Variants in SLC4A7 observed in about 807,000 individuals in gnomAD.
SLC4A7 encodes the protein solute carrier family 4 member 7.
In SLC4A7, 51 loss-of-function variants were observed where a neutral mutation model predicts 137.6. That is an observed-to-expected ratio of 0.37 (90% CI 0.30 to 0.47). The LOEUF is 0.47. SLC4A7 is among the 20% of genes least tolerant of loss of function. The probability of loss-of-function intolerance (pLI) is 1.00; values close to 1 mark genes in which losing one functional copy is unlikely to be tolerated. For missense variants in SLC4A7, 1,247 were observed against 1,525.4 expected (o/e 0.82, Z 3.04); for synonymous variants, 542 against 518.6 (o/e 1.05, Z -0.61).
intron 11 of SLC4A7, among the ~76,000 whole-genome samples, chr3:27,417,275 G>T (rs940071939): frequency 1.1e-4 from 17 of 151,998 alleles, no homozygotes; most frequent in African/African-American, 4.1e-4. Flanking sequence ...CAGGAACTTA[G>T]AAAAAAGATG....
In SLC4A7 at chr3:27,403,365, G is replaced by A. The variant is rs2052981285; in HGVS notation, c.2095C>T (p.Leu699=). ...KFCRDYQLSY[L]SLRTSIGLWT... is the part of the protein sequence containing the mutation. ...AGACCAATACTGGTTCTTAAAGACA[G>A]ATAAGAAAGTTGATAATCTCTGTTT... Residue 699 remains leucine, a synonymous_variant, in exon 15 of 26, where the codon CTG becomes TTG. Transcript: ENST00000454389. The A allele has an allele frequency of 6.3e-7, 1 of 1,589,042 alleles. No individual in the cohort carries two copies. Among genetic ancestry groups the A allele is most frequent in the Non-Finnish European group, 8.6e-7 (1 of 1,166,428 alleles).
At chr3:27,419,440 T>C (rs1444445538) in intron 10 of SLC4A7, among the ~76,000 whole-genome samples, 6 of 151,468 alleles carry the variant, frequency 4.0e-5, no homozygotes, top group South Asian at 2.1e-4. Context: ...TGGTGGCGTA[T>C]GCCTGTAATC....
At chr3:27,391,336 G>A (rs1381803795) in intron 21 of SLC4A7, among the ~76,000 whole-genome samples, 1 of 152,144 alleles carries the variant, frequency 6.6e-6, no homozygotes, top group Non-Finnish European at 1.5e-5. Flanking sequence ...ACAAAATGAT[G>A]TATATGCTAG....
At chr3:27,457,494 G>A (rs143676686) in intron 1 of SLC4A7, among the ~76,000 whole-genome samples, 38 of 152,180 alleles carry the variant, frequency 2.5e-4, no homozygotes, top group African/African-American at 8.7e-4. Flanking sequence ...GAAAGGGGAG[G>A]CATATTTCAA....
At chr3:27,440,049 T>C (rs1308817736) in intron 3 of SLC4A7, among the ~76,000 whole-genome samples, 1 of 152,198 alleles carries the variant, frequency 6.6e-6, no homozygotes, top group African/African-American at 2.4e-5. Context: ...ATGTTTAAGT[T>C]TTAAACCAAC....
intron 3 of SLC4A7, among the ~76,000 whole-genome samples, chr3:27,440,962 TTGAAC>T (rs2057144397): frequency 6.6e-6 from 1 of 152,014 alleles, no homozygotes; most frequent in Admixed American, 6.6e-5. Context: ...GGAGAATCGC[TTGAAC>T]CCAGGACGCA....
chr3:27,474,855 C>T (rs189693066), intron 1 of SLC4A7, among the ~76,000 whole-genome samples: 1 of 152,080 alleles, frequency 6.6e-6, no homozygotes, highest in Non-Finnish European at 1.5e-5. Flanking sequence ...GGCGCGGTGG[C>T]TCACACATAT....
chr3:27,436,963 G>A (rs1347086808), intron 4 of SLC4A7, among the ~76,000 whole-genome samples: 1 of 152,104 alleles, frequency 6.6e-6, no homozygotes, highest in Non-Finnish European at 1.5e-5. Flanking sequence ...AATTAATAAG[G>A]AAATTCTCTG....
At chr3:27,386,703 T>C (rs940475779) in intron 22 of SLC4A7, among the ~76,000 whole-genome samples, 33 of 152,296 alleles carry the variant, frequency 2.2e-4, no homozygotes, top group Middle Eastern at 3.4e-3. Flanking sequence ...TTTTTGAACA[T>C]ATAAGAAACA....
At chr3:27,463,990 T>C (rs1283575374) in intron 1 of SLC4A7, among the ~76,000 whole-genome samples, 1 of 151,808 alleles carries the variant, frequency 6.6e-6, no homozygotes, top group East Asian at 2.0e-4. Context: ...TTTGAGACCA[T>C]CCTGGGCAAC....
At chr3:27,480,882 A>G (rs972342777) in intron 1 of SLC4A7, among the ~76,000 whole-genome samples, 1 of 152,174 alleles carries the variant, frequency 6.6e-6, no homozygotes, top group African/African-American at 2.4e-5. Flanking sequence ...CTGTGTTCAC[A>G]CCATACGCCA....
At chr3:27,475,368 T>C (rs924810589) in intron 1 of SLC4A7, among the ~76,000 whole-genome samples, 5 of 151,080 alleles carry the variant, frequency 3.3e-5, no homozygotes, top group African/African-American at 1.2e-4. Flanking sequence ...AATAGAGTAA[T>C]TCCAATTTGC....
intron 13 of SLC4A7, among the ~76,000 whole-genome samples, chr3:27,409,015 C>A (rs573243487): frequency 2.0e-5 from 3 of 152,266 alleles, no homozygotes; most frequent in East Asian, 3.9e-4. Context: ...CTGATAAAAA[C>A]CCCCATGACC....
chr3:27,436,699 G>A (rs943143053), intron 4 of SLC4A7, 151 bp from the exon 5 acceptor site: 1 of 527,984 alleles, frequency 1.9e-6, no homozygotes, highest in East Asian at 3.0e-5. Context: ...TTAGGTTAAT[G>A]GTCTACAATA....
chr3:27,484,134 C>T lies in SLC4A7; in HGVS notation c.-8G>A. 1 of 1,371,728 alleles carries T rather than the reference C, an allele frequency of 7.3e-7. No homozygotes were observed. The highest frequency in any genetic ancestry group is 9.4e-7 in the Non-Finnish European group (1 of 1,058,692). The allele number at this position is 1,371,728 out of a possible 1,614,324, so 85.0% of individuals were successfully genotyped here. On this transcript the variant is annotated 5_prime_UTR_variant, in exon 1 of 26. Transcript: ENST00000454389. ...GGCCCCATCAGCCTCCATGGCCGGC[C>T]GGCCAGCCCGTGACGGCCGCTACGG...
intron 12 of SLC4A7, 151 bp downstream of exon 12, chr3:27,411,491 T>A (rs1324537741): frequency 6.7e-6 from 2 of 300,258 alleles, no homozygotes; most frequent in African/African-American, 4.4e-5. Flanking sequence ...TTTATACATA[T>A]AAATTTTCCT....
At chr3:27,424,634 C>T (rs574558401) in intron 7 of SLC4A7, 1 of 152,448 alleles carries the variant, frequency 6.6e-6, no homozygotes, top group South Asian at 2.1e-4. Context: ...TTAACATAAT[C>T]TCCCATAATC....
Position 27,484,338 on chromosome 3 carries a change from C to T in SLC4A7, c.-212G>A, listed in dbSNP as rs888124507. 5.6e-6 allele frequency: 2 copies of T among 354,892 alleles called. No homozygotes were observed. The highest frequency in any genetic ancestry group is 2.1e-5 in the African/African-American group (1 of 46,828). The allele number at this position is 354,892 out of a possible 1,614,324, so 22.0% of individuals were successfully genotyped here. ...GTGCGCGCTGCGACTGCTGGGCTGG[C>T]TTTAGTAGGAGAGCGAGGCCGCGGC... On this transcript the variant is annotated 5_prime_UTR_variant, in exon 1 of 26. Coordinates refer to ENST00000454389, the MANE Select transcript of SLC4A7 (RefSeq NM_001321103.2).
intron 8 of SLC4A7, 75 bp from the exon 9 acceptor site, chr3:27,421,854 C>T: frequency 8.8e-7 from 1 of 1,136,048 alleles, no homozygotes; most frequent in Middle Eastern, 2.1e-4. Flanking sequence ...GAAAGAAAAA[C>T]TGCTTTATAA....
Sources: allele counts gnomAD v4.1 joint callset (sites outside exome capture counted in the v4.1 genomes callset), GRCh38; gene constraint gnomAD v4.1.1; transcripts MANE v1.5; gene names NCBI Gene and HGNC (gene_info 2026-07-23, HGNC 2026-07-21).